The following ARHGAP20 variants were observed in gnomAD, a reference collection of about 807,000 sequenced individuals.
The protein encoded by ARHGAP20 is rho GTPase-activating protein 20.
In ARHGAP20, 34 loss-of-function variants were observed where a neutral mutation model predicts 73.7. That is an observed-to-expected ratio of 0.46 (90% CI 0.35 to 0.61). The LOEUF (loss-of-function observed/expected upper bound fraction) is 0.61, where lower values mean the gene tolerates loss of function less well. ARHGAP20 is among the 20% of genes least tolerant of loss of function. The pLI, the probability that ARHGAP20 is intolerant of heterozygous loss-of-function variation, is 0.00. For missense variants in ARHGAP20, 1,314 were observed against 1,420.9 expected, an observed-to-expected ratio of 0.92 and a Z score of 1.21; for synonymous variants, 523 against 518.2, an observed-to-expected ratio of 1.01 and a Z score of -0.13.
At chr11:110,586,853 C>A (rs1947681685) in intron 11 of ARHGAP20, among the ~76,000 whole-genome samples, 1 of 152,126 alleles carries the variant, frequency 6.6e-6, no homozygotes, top group African/African-American at 2.4e-5. Flanking sequence ...GTTATTAGTG[C>A]AAAATTGCAT....
At chr11:110,692,668 G>T (rs1950265770) in intron 1 of ARHGAP20, among the ~76,000 whole-genome samples, 1 of 152,058 alleles carries the variant, frequency 6.6e-6, no homozygotes, top group African/African-American at 2.4e-5. Flanking sequence ...AGATTCAAAA[G>T]ACAGTGTAAA....
rs1948302257 is a variant in ARHGAP20, at chr11:110,609,008, C to T, written c.751G>A (p.Glu251Lys). The T allele has an allele frequency of 1.2e-6, 2 of 1,613,582 alleles. No individual in the cohort carries two copies. The highest frequency in any genetic ancestry group is 2.2e-5 in the South Asian group (2 of 91,048). Reference sequence around the variant, plus strand: ...CCAATGAGTGGGTATGGAGCCTCTTCTTTGCCAGAATTGACCCACAACTGG... The same window carrying T: ...CCAATGAGTGGGTATGGAGCCTCTTTTTTGCCAGAATTGACCCACAACTGG... ...DYQLWVNSGK[E>K]EAPYPLIGHE... The change falls in exon 8 of 15, where the codon GAA (glutamate) becomes AAA (lysine). Residue 251 changes from glutamate (E) to lysine (K), a missense_variant. Glu to Lys is a moderately conservative substitution (Grantham distance 56). This residue lies in a region of ARHGAP20 where 443 missense variants were observed against 466.4 expected (regional missense o/e 0.95). Coordinates refer to ENST00000683387, the MANE Select transcript of ARHGAP20 (RefSeq NM_001384657.1).
intron 1 of ARHGAP20, among the ~76,000 whole-genome samples, chr11:110,708,258 C>A (rs909336918): frequency 6.6e-6 from 1 of 152,102 alleles, no homozygotes; most frequent in Admixed American, 6.5e-5. Flanking sequence ...ATAATAAGTA[C>A]TGGTGAAAAT....
intron 2 of ARHGAP20, among the ~76,000 whole-genome samples, chr11:110,686,228 TA>T (rs1307632059): frequency 2.0e-5 from 3 of 152,100 alleles, no homozygotes; most frequent in Non-Finnish European, 4.4e-5. Context: ...ACATACATTA[TA>T]AAAAAGTGGA....
chr11:110,663,209 G>C (rs1227225603), intron 2 of ARHGAP20, among the ~76,000 whole-genome samples: 2 of 151,330 alleles, frequency 1.3e-5, no homozygotes, highest in Non-Finnish European at 1.5e-5. Flanking sequence ...CAATGAAATA[G>C]AAAACAGAAA....
At chr11:110,598,416 C>T (rs969134790) in intron 9 of ARHGAP20, among the ~76,000 whole-genome samples, 5 of 152,130 alleles carry the variant, frequency 3.3e-5, no homozygotes, top group African/African-American at 1.2e-4. Context: ...AGAACTCTTC[C>T]ATTCCACTCA....
chr11:110,675,624 T>C (rs929193034), intron 2 of ARHGAP20, among the ~76,000 whole-genome samples: 1 of 152,160 alleles, frequency 6.6e-6, no homozygotes, highest in African/African-American at 2.4e-5. Flanking sequence ...GTAGGGATTG[T>C]GCTCCTAGGA....
intron 2 of ARHGAP20, among the ~76,000 whole-genome samples, chr11:110,640,946 T>C (rs1376633209): frequency 1.3e-5 from 2 of 152,112 alleles, no homozygotes; most frequent in Non-Finnish European, 2.9e-5. Context: ...GTCTGAATTA[T>C]GACTTGTATT....
intron 1 of ARHGAP20, among the ~76,000 whole-genome samples, chr11:110,710,671 A>G (rs1950631794): frequency 1.3e-5 from 2 of 152,162 alleles, no homozygotes; most frequent in Admixed American, 1.3e-4. Flanking sequence ...AATACATCAA[A>G]GGCTGAGCTG....
At chr11:110,613,354 T>C (rs1591315596) in intron 6 of ARHGAP20, among the ~76,000 whole-genome samples, 1 of 152,356 alleles carries the variant, frequency 6.6e-6, no homozygotes, top group South Asian at 2.1e-4. Context: ...GGAATCACTC[T>C]GGAGGCAGGG....
At chr11:110,588,614 T>C (rs539512103) in intron 11 of ARHGAP20, among the ~76,000 whole-genome samples, 137 of 152,326 alleles carry the variant, frequency 9.0e-4, no homozygotes, top group African/African-American at 3.1e-3. Flanking sequence ...TTCAATCATT[T>C]GGATCATTTT....
intron 1 of ARHGAP20, among the ~76,000 whole-genome samples, chr11:110,704,797 A>G (rs988697617): frequency 6.6e-6 from 1 of 152,160 alleles, no homozygotes. Flanking sequence ...AATCCCTGTG[A>G]TCCTAAACAC....
At chr11:110,679,515 CA>C in intron 2 of ARHGAP20, among the ~76,000 whole-genome samples, 1 of 152,216 alleles carries the variant, frequency 6.6e-6, no homozygotes, top group Admixed American at 6.5e-5. Flanking sequence ...GTGACAGACA[CA>C]CTCAGAGATG....
chr11:110,700,033 A>G (rs1478668005), intron 1 of ARHGAP20, among the ~76,000 whole-genome samples: 1 of 152,078 alleles, frequency 6.6e-6, no homozygotes, highest in Non-Finnish European at 1.5e-5. Context: ...GTAGGCTCTC[A>G]CTGGAATTTT....
chr11:110,642,535 T>C (rs551182935), intron 2 of ARHGAP20, among the ~76,000 whole-genome samples: 2 of 152,276 alleles, frequency 1.3e-5, no homozygotes, highest in East Asian at 3.9e-4. Context: ...CCTGTGTTTA[T>C]TGAGATAGTC....
chr11:110,687,499 T>C (rs1049469996), intron 2 of ARHGAP20, among the ~76,000 whole-genome samples: 1 of 152,144 alleles, frequency 6.6e-6, no homozygotes, highest in African/African-American at 2.4e-5. Context: ...TGTATATTAT[T>C]ATATTGGTTC....
chr11:110,638,446 G>A (rs1272075753), intron 2 of ARHGAP20, among the ~76,000 whole-genome samples: 1 of 152,062 alleles, frequency 6.6e-6, no homozygotes, highest in Non-Finnish European at 1.5e-5. Flanking sequence ...AGGCAACTCA[G>A]AGTGAGTGAG....
intron 1 of ARHGAP20, among the ~76,000 whole-genome samples, chr11:110,703,665 CT>C (rs1339172565): frequency 1.3e-5 from 2 of 152,062 alleles, no homozygotes; most frequent in Non-Finnish European, 2.9e-5. Flanking sequence ...ATACATTATT[CT>C]TTGTTTCCTT....
Position 110,577,252 on chromosome 11 carries a change from C to CT in ARHGAP20, c.*2117dup. 1 of 1,464,676 alleles carries CT rather than the reference C, an allele frequency of 6.8e-7. No individual in the cohort carries two copies. The highest frequency in any genetic ancestry group is 1.4e-5 in the African/African-American group (1 of 70,854). The allele number at this position is 1,464,676 out of a possible 1,614,324, so 90.7% of individuals were successfully genotyped here. On this transcript the variant is annotated 3_prime_UTR_variant, in exon 15 of 15. Coordinates refer to ENST00000683387, the MANE Select transcript of ARHGAP20 (RefSeq NM_001384657.1). ...AAAGCATTTTAGATAAAGCATCAGT[C>CT]TAATATATTATAGATTGATGGAGTA...
Sources: gnomAD v4.1 joint callset for allele counts (sites outside exome capture counted in the v4.1 genomes callset) on GRCh38, gnomAD v4.1.1 for gene constraint, gnomAD v4.1.1 regional missense constraint, MANE v1.5 for transcripts, NCBI Gene and HGNC (gene_info 2026-07-23, HGNC 2026-07-21) for gene names.